Variants in ARHGAP10 observed in about 807,000 individuals in gnomAD.
ARHGAP10 encodes Rho GTPase activating protein 10.
In ARHGAP10, 87 loss-of-function variants were observed where a neutral mutation model predicts 108.6. That is an observed-to-expected ratio of 0.80 (90% CI 0.67 to 0.96). ARHGAP10 has a LOEUF of 0.96. Ranked by LOEUF, ARHGAP10 falls within the 40% of genes least tolerant of loss-of-function variation. The pLI, the probability that ARHGAP10 is intolerant of heterozygous loss-of-function variation, is 0.00. For synonymous variants in ARHGAP10, 347 were observed against 341.1 expected, an observed-to-expected ratio of 1.02 and a Z score of -0.19; for missense variants, 939 against 954.5, an observed-to-expected ratio of 0.98 and a Z score of 0.21.
rs571132734 is a variant in ARHGAP10, at chr4:148,002,285, C to CT, written c.1717-20973dup. Reference sequence around the variant, plus strand: ...AGTCCACTTGATCATGGTGGATAAGCTTTTTGATGTGCTGCTGGATTCGGT... The same window carrying CT: ...AGTCCACTTGATCATGGTGGATAAGCTTTTTTGATGTGCTGCTGGATTCGGT... On this transcript the variant is annotated intron_variant, in intron 18 of 22. Transcript: ENST00000336498. 1.8e-4 allele frequency among the ~76,000 whole-genome samples: 27 copies of CT among 152,244 alleles called. No individual in the cohort carries two copies. The South Asian group carries it at 2.5e-3, about 14-fold the overall frequency.
At chr4:148,003,511 G>A (rs1036804502) in intron 18 of ARHGAP10, among the ~76,000 whole-genome samples, 1 of 152,110 alleles carries the variant, frequency 6.6e-6, no homozygotes, top group African/African-American at 2.4e-5. Flanking sequence ...TGACAGTGGG[G>A]TGTTAAAGTC....
chr4:148,023,258 G>T lies in ARHGAP10; in HGVS notation c.1717-5G>T. 6.2e-7 allele frequency: 1 copy of T among 1,613,676 alleles called. No homozygotes were observed. Among genetic ancestry groups the T allele is most frequent in the South Asian group, 1.1e-5 (1 of 90,996 alleles). ...TAATTCCTGTCCTTTATGCTTTGTTGGAAGATTTTTCGGACGCCGCCCGAT... is the reference window on the plus strand; with the variant it reads ...TAATTCCTGTCCTTTATGCTTTGTTTGAAGATTTTTCGGACGCCGCCCGAT... On this transcript the variant is annotated splice_polypyrimidine_tract_variant and splice_region_variant and intron_variant, in intron 18 of 22. Transcript: ENST00000336498.
At chr4:148,016,176 C>T (rs2149658267) in intron 18 of ARHGAP10, among the ~76,000 whole-genome samples, 1 of 152,262 alleles carries the variant, frequency 6.6e-6, no homozygotes, top group East Asian at 1.9e-4. Flanking sequence ...TAATAAAGAC[C>T]AGTGAACATG....
At chr4:147,818,017 G>A (rs1465475416) in intron 1 of ARHGAP10, among the ~76,000 whole-genome samples, 3 of 152,178 alleles carry the variant, frequency 2.0e-5, no homozygotes, top group East Asian at 3.8e-4. Context: ...ATTGAATGGT[G>A]TAATGGAAAG....
chr4:148,037,465 A>G (rs961167353), intron 19 of ARHGAP10, among the ~76,000 whole-genome samples: 3 of 152,158 alleles, frequency 2.0e-5, no homozygotes, highest in African/African-American at 2.4e-5. Context: ...AGTAAGTAGG[A>G]TACTTTGACC....
intron 4 of ARHGAP10, among the ~76,000 whole-genome samples, chr4:147,857,028 T>C (rs972898592): frequency 6.6e-6 from 1 of 152,122 alleles, no homozygotes; most frequent in African/African-American, 2.4e-5. Flanking sequence ...AACTTTTGTA[T>C]TTTTAGTAGG....
chr4:147,938,805 G>A (rs964717538), intron 13 of ARHGAP10, among the ~76,000 whole-genome samples: 2 of 152,160 alleles, frequency 1.3e-5, no homozygotes, highest in African/African-American at 4.8e-5. Flanking sequence ...AACATTCGTA[G>A]CGGAGAAAAT....
intron 18 of ARHGAP10, among the ~76,000 whole-genome samples, chr4:147,968,281 G>A (rs1013948594): frequency 1.3e-5 from 2 of 152,130 alleles, no homozygotes; most frequent in African/African-American, 2.4e-5. Flanking sequence ...TCAAAGTAAA[G>A]CTTCCACTTA....
chr4:147,829,307 C>G (rs935933422), intron 3 of ARHGAP10, among the ~76,000 whole-genome samples: 6 of 152,002 alleles, frequency 3.9e-5, no homozygotes, highest in African/African-American at 1.2e-4. Context: ...CTGCCTCGAC[C>G]CCCCCATCGT....
In ARHGAP10 at chr4:148,072,309, G is replaced by T. The variant is rs571444367; in HGVS notation, c.*228G>T. The T allele has an allele frequency of 1.4e-5, 6 of 442,182 alleles. No individual in the cohort carries two copies. Among genetic ancestry groups the T allele is most frequent in the African/African-American group, 1.0e-4 (5 of 49,452 alleles). 27.4% of individuals were successfully genotyped at this position (442,182 alleles called of 1,614,324 possible). A position where few individuals can be genotyped will look rare whatever the true frequency, so the allele number is the denominator to read the frequency against. ...AGGGGAATGTCAGGATTCGCAAAAT[G>T]GACTTTTCATTTGTCAAGTATTGGG... On this transcript the variant is annotated 3_prime_UTR_variant, in exon 23 of 23. Coordinates refer to ENST00000336498, the MANE Select transcript of ARHGAP10 (RefSeq NM_024605.4).
intron 17 of ARHGAP10, among the ~76,000 whole-genome samples, chr4:147,965,958 G>T (rs1284210525): frequency 2.6e-5 from 4 of 152,342 alleles, no homozygotes; most frequent in South Asian, 4.1e-4. Flanking sequence ...TATAAAAAAT[G>T]TTATGCAAAG....
At chr4:147,965,326 G>T (rs1462965747) in intron 17 of ARHGAP10, among the ~76,000 whole-genome samples, 197 bp downstream of exon 17, 2 of 152,038 alleles carry the variant, frequency 1.3e-5, no homozygotes, top group Non-Finnish European at 2.9e-5. Flanking sequence ...TAACATCTCT[G>T]CCAGCAACTC....
At chr4:148,071,042 C>T (rs1730152520) in intron 22 of ARHGAP10, among the ~76,000 whole-genome samples, 2 of 152,310 alleles carry the variant, frequency 1.3e-5, no homozygotes, top group Admixed American at 1.3e-4. Context: ...CTCAGGCTGC[C>T]TTCAGGAGTT....
At chr4:147,864,657 G>T in intron 5 of ARHGAP10, 189 bp from the exon 6 acceptor site, 1 of 524,272 alleles carries the variant, frequency 1.9e-6, no homozygotes, top group Non-Finnish European at 3.4e-6. Context: ...GCTCAATTCT[G>T]CTGTTGCAGC....
At chr4:148,035,181 G>T (rs1728319030) in intron 19 of ARHGAP10, among the ~76,000 whole-genome samples, 1 of 152,074 alleles carries the variant, frequency 6.6e-6, no homozygotes, top group Non-Finnish European at 1.5e-5. Flanking sequence ...AGCTTTTCCT[G>T]GCATGTACTT....
chr4:147,875,544 C>A (rs1212804825), intron 8 of ARHGAP10, among the ~76,000 whole-genome samples: 7 of 152,224 alleles, frequency 4.6e-5, no homozygotes. Context: ...CACAGGCACA[C>A]ACATTCATTC....
intron 4 of ARHGAP10, among the ~76,000 whole-genome samples, chr4:147,855,239 G>A (rs1199044330): frequency 6.6e-6 from 1 of 152,212 alleles, no homozygotes; most frequent in Non-Finnish European, 1.5e-5. Context: ...ACAGAGTAAT[G>A]AGTGGCTAGG....
intron 18 of ARHGAP10, among the ~76,000 whole-genome samples, chr4:147,999,560 G>A (rs1192383380): frequency 6.6e-6 from 1 of 152,230 alleles, no homozygotes; most frequent in African/African-American, 2.4e-5. Flanking sequence ...TCAGGTTAAA[G>A]GCTTGCCATT....
intron 1 of ARHGAP10, among the ~76,000 whole-genome samples, chr4:147,752,546 T>C (rs1729198133): frequency 6.6e-6 from 1 of 152,170 alleles, no homozygotes; most frequent in Admixed American, 6.5e-5. Context: ...TTGATCTTTT[T>C]TTTTTTTTTG....
Sources: gnomAD v4.1 joint callset for allele counts (sites outside exome capture counted in the v4.1 genomes callset) on GRCh38, gnomAD v4.1.1 for gene constraint, MANE v1.5 for transcripts, NCBI Gene and HGNC (gene_info 2026-07-23, HGNC 2026-07-21) for gene names.